The following CFAP70 variants were observed in gnomAD, a reference collection of about 807,000 sequenced individuals.
CFAP70 encodes the protein cilia and flagella associated protein 70.
A neutral mutation model predicts 137.6 loss-of-function variants in CFAP70; 81 were observed. The ratio of observed to expected loss-of-function variants is 0.59; its 90% CI spans 0.49 to 0.71. The LOEUF is 0.71. Among genes scored for constraint, CFAP70 ranks in the 30% least tolerant of loss-of-function variants. The pLI, the probability that CFAP70 is intolerant of heterozygous loss-of-function variation, is 0.00. For synonymous variants in CFAP70, 382 were observed against 423.6 expected (o/e 0.90, Z 1.20); for missense variants, 976 against 1,226.7 (o/e 0.80, Z 3.05).
intron 26 of CFAP70, chr10:73,254,418 A>G (rs901077361): frequency 6.4e-6 from 1 of 156,996 alleles, no homozygotes; most frequent in Non-Finnish European, 1.4e-5. Flanking sequence ...GATATCAGGG[A>G]ATCAGAGACA....
chr10:73,256,432 C>T lies in CFAP70; in HGVS notation c.3028-16G>A. On this transcript the variant is annotated splice_polypyrimidine_tract_variant and intron_variant, in intron 25 of 26. Transcript: ENST00000310715. Reference sequence around the variant, plus strand: ...GCCGTCCAACCTGAAAAAAGTGCAGCAGTTGGTGATGATGACAGGTCATAA... The same window carrying T: ...GCCGTCCAACCTGAAAAAAGTGCAGTAGTTGGTGATGATGACAGGTCATAA... The T allele has an allele frequency of 2.5e-6, 4 of 1,613,954 alleles. No homozygotes were observed. In the South Asian group the frequency reaches 4.4e-5, roughly 18 times the overall value.
intron 9 of CFAP70, among the ~76,000 whole-genome samples, chr10:73,316,759 T>C (rs2050422558): frequency 6.6e-6 from 1 of 151,962 alleles, no homozygotes; most frequent in South Asian, 2.1e-4. Context: ...ATTAAATCTA[T>C]ATGTTAACCC....
chr10:73,329,867 G>C lies in CFAP70; in HGVS notation c.777+1310C>G, dbSNP rs575429859. Among the ~76,000 whole-genome samples, 5 of 152,232 alleles carry C rather than the reference G, an allele frequency of 3.3e-5. No individual in the cohort carries two copies. The East Asian group carries it at 9.6e-4, about 29-fold the overall frequency. Reference sequence around the variant, plus strand: ...CTCTGTATTTATCTTGGTTCAAAAGGAAAGAGTGCTTTGATTGATTAGCAC... The same window carrying C: ...CTCTGTATTTATCTTGGTTCAAAAGCAAAGAGTGCTTTGATTGATTAGCAC... On this transcript the variant is annotated intron_variant, in intron 8 of 26. Transcript: ENST00000310715.
intron 9 of CFAP70, 75 bp downstream of exon 10, chr10:73,322,888 A>G (rs2051001644): frequency 2.3e-6 from 3 of 1,317,652 alleles, no homozygotes; most frequent in Non-Finnish European, 3.1e-6. Flanking sequence ...GCAAAGATGT[A>G]TATGCTAAAG....
chr10:73,316,461 GAGATATATATATATATATAGATAT>G lies in CFAP70; in HGVS notation c.913-3842_913-3819del, dbSNP rs56879049. 5.3e-3 allele frequency among the ~76,000 whole-genome samples: 675 copies of G among 127,106 alleles called. 17 individuals are homozygous for G. The East Asian group carries it at 0.07, about 13-fold the overall frequency. The allele number at this position is 127,106 out of a possible 152,430, so 83.4% of individuals were successfully genotyped here. A position where few individuals can be genotyped will look rare whatever the true frequency, so the allele number is the denominator to read the frequency against. ...TGATATCCCATTTAATTCCTTTGTT[GAGATATATATATATATATAGATAT>G]AGATATATATATATATATATATATA... is the stretch of plus-strand genomic sequence containing the variant. On this transcript the variant is annotated intron_variant, in intron 9 of 26. Coordinates refer to ENST00000310715, the Ensembl canonical transcript of CFAP70.
At chr10:73,295,571 T>C (rs1303120884) in intron 15 of CFAP70, 2 of 151,640 alleles carry the variant, frequency 1.3e-5, no homozygotes, top group Non-Finnish European at 2.9e-5. Flanking sequence ...AGGTTAACAA[T>C]AACTTCCTTA....
chr10:73,281,795 A>T (rs75462866), intron 19 of CFAP70, among the ~76,000 whole-genome samples: 16,055 of 152,246 alleles, frequency 0.11, 1,222 homozygotes, highest in East Asian at 0.3. Flanking sequence ...ATATACACCA[A>T]GGAGTACTGC....
chr10:73,351,345 C>A (rs956492082), intron 3 of CFAP70, among the ~76,000 whole-genome samples: 1 of 151,876 alleles, frequency 6.6e-6, no homozygotes, highest in Non-Finnish European at 1.5e-5. Flanking sequence ...GTCTCGATCT[C>A]CTGACCTCGT....
intron 19 of CFAP70, among the ~76,000 whole-genome samples, chr10:73,286,305 G>A (rs10160017): frequency 0.11 from 16,008 of 151,938 alleles, 1,211 homozygotes; most frequent in East Asian, 0.3. Context: ...TTAGCCGGGC[G>A]TGGTGGCGGG....
At chr10:73,323,339 G>GC (rs2051063242) in intron 8 of CFAP70, among the ~76,000 whole-genome samples, 1 of 114,100 alleles carries the variant, frequency 8.8e-6, no homozygotes, top group South Asian at 2.9e-4. Context: ...GGCGGGGGGG[G>GC]GGCAGCCAAG....
At chr10:73,300,779 T>G (rs189709759) in intron 12 of CFAP70, among the ~76,000 whole-genome samples, 2 of 152,264 alleles carry the variant, frequency 1.3e-5, no homozygotes, top group African/African-American at 2.4e-5. Flanking sequence ...ATGAATTTCT[T>G]GAACCTGGGA....
intron 6 of CFAP70, among the ~76,000 whole-genome samples, chr10:73,339,279 A>C (rs2053013506): frequency 6.6e-6 from 1 of 152,056 alleles, no homozygotes; most frequent in Non-Finnish European, 1.5e-5. Context: ...ACTCCCTTTC[A>C]CAATTTCCAA....
intron 6 of CFAP70, among the ~76,000 whole-genome samples, chr10:73,336,546 C>T (rs1023300590): frequency 1.2e-4 from 18 of 149,796 alleles, no homozygotes; most frequent in South Asian, 2.1e-4. Context: ...TCAGCTCATT[C>T]GAGAAACATT....
At chr10:73,289,844 G>C (rs1028035674) in intron 19 of CFAP70, among the ~76,000 whole-genome samples, 3 of 151,892 alleles carry the variant, frequency 2.0e-5, no homozygotes, top group Non-Finnish European at 4.4e-5. Flanking sequence ...TCAGGCATTC[G>C]AGGCCAGCCT....
At chr10:73,350,309 G>A (rs1245960715) in intron 3 of CFAP70, among the ~76,000 whole-genome samples, 1 of 120,924 alleles carries the variant, frequency 8.3e-6, no homozygotes, top group Non-Finnish European at 1.6e-5. Flanking sequence ...AAGGATAACA[G>A]GGTTTGATAT....
intron 5 of CFAP70, among the ~76,000 whole-genome samples, chr10:73,344,273 AT>A (rs2053527609): frequency 6.6e-6 from 1 of 152,196 alleles, no homozygotes; most frequent in Non-Finnish European, 1.5e-5. Flanking sequence ...CCAGAATTTA[AT>A]ACATCAGCAA....
intron 2 of CFAP70, among the ~76,000 whole-genome samples, chr10:73,353,946 T>C (rs1589612123): frequency 6.6e-6 from 1 of 152,226 alleles, no homozygotes; most frequent in South Asian, 2.1e-4. Flanking sequence ...AGTGCTGTTA[T>C]GTTGGAGTCT....
At chr10:73,297,079 A>G in exon 15 of CFAP70, 1 of 1,613,950 alleles carries the variant, frequency 6.2e-7, no homozygotes, top group South Asian at 1.1e-5. Context: ...TACTAAGAAC[A>G]CATAGAGCTC....
chr10:73,258,304 T>C (rs2044730053), intron 25 of CFAP70, among the ~76,000 whole-genome samples: 1 of 152,232 alleles, frequency 6.6e-6, no homozygotes, highest in African/African-American at 2.4e-5. Context: ...ATTAATACTT[T>C]TATAATTTCT....
Sources: allele counts gnomAD v4.1 joint callset (sites outside exome capture counted in the v4.1 genomes callset), GRCh38; gene constraint gnomAD v4.1.1; transcripts MANE v1.5; gene names NCBI Gene and HGNC (gene_info 2026-07-23, HGNC 2026-07-21).